Variants in GRM1 observed in about 807,000 individuals in gnomAD.
GRM1 encodes the protein metabotropic glutamate receptor 1.
Under a neutral mutation model 90.9 loss-of-function variants are expected in GRM1, and 33 were observed. That is an observed-to-expected ratio of 0.36 (90% CI 0.28 to 0.49). GRM1 has a LOEUF of 0.49. Ranked by LOEUF, GRM1 falls within the 20% of genes least tolerant of loss-of-function variation. GRM1 has a pLI of 0.99. For missense variants in GRM1, 1,190 were observed against 1,534.3 expected, an observed-to-expected ratio of 0.78 and a Z score of 3.75; for synonymous variants, 700 against 613.2, an observed-to-expected ratio of 1.14 and a Z score of -2.09.
intron 2 of GRM1, among the ~76,000 whole-genome samples, chr6:146,277,260 A>G (rs1267112048): frequency 6.6e-6 from 1 of 152,152 alleles, no homozygotes; most frequent in East Asian, 1.9e-4. Flanking sequence ...GGTTGCTCAA[A>G]CCCTGCAGAC....
At chr6:146,039,577 A>T (rs994690572) in intron 1 of GRM1, among the ~76,000 whole-genome samples, 1 of 152,012 alleles carries the variant, frequency 6.6e-6, no homozygotes, top group Non-Finnish European at 1.5e-5. Flanking sequence ...GCATCTGGAA[A>T]GCTTTGGAGA....
At chr6:146,335,585 T>A (rs1017900581) in intron 3 of GRM1, among the ~76,000 whole-genome samples, 4 of 152,174 alleles carry the variant, frequency 2.6e-5, no homozygotes, top group African/African-American at 9.6e-5. Flanking sequence ...ACCCACTTGA[T>A]TTCCATCAAT....
intron 1 of GRM1, among the ~76,000 whole-genome samples, chr6:146,051,021 C>A (rs1416235292): frequency 1.3e-5 from 2 of 151,908 alleles, no homozygotes; most frequent in African/African-American, 4.8e-5. Context: ...TTGGTTCCTC[C>A]ATTTGTAGTT....
intron 1 of GRM1, among the ~76,000 whole-genome samples, chr6:146,117,771 T>C (rs1453682506): frequency 6.6e-6 from 1 of 152,148 alleles, no homozygotes; most frequent in Admixed American, 6.5e-5. Flanking sequence ...CATTTGCACA[T>C]GTACAATAGA....
At chr6:146,428,044 C>T (rs1778277242) in intron 7 of GRM1, among the ~76,000 whole-genome samples, 1 of 152,022 alleles carries the variant, frequency 6.6e-6, no homozygotes, top group African/African-American at 2.4e-5. Flanking sequence ...TGGTGGGTGA[C>T]AAAAAATAAA....
intron 2 of GRM1, among the ~76,000 whole-genome samples, chr6:146,288,796 G>A (rs997493144): frequency 3.9e-5 from 6 of 152,224 alleles, no homozygotes; most frequent in African/African-American, 7.2e-5. Flanking sequence ...GTGAGCCATC[G>A]CGCGGGGCCA....
chr6:146,234,769 G>A (rs1201752735), intron 2 of GRM1, among the ~76,000 whole-genome samples: 1 of 151,956 alleles, frequency 6.6e-6, no homozygotes, highest in East Asian at 1.9e-4. Context: ...TTGAGACAGG[G>A]TCTCACTCTG....
intron 2 of GRM1, among the ~76,000 whole-genome samples, chr6:146,164,313 A>G (rs1777836233): frequency 6.6e-6 from 1 of 152,174 alleles, no homozygotes; most frequent in Admixed American, 6.5e-5. Flanking sequence ...CTACTGAACC[A>G]TATTATCATA....
intron 6 of GRM1, among the ~76,000 whole-genome samples, chr6:146,391,207 G>T (rs1487507729): frequency 6.6e-6 from 1 of 151,902 alleles, no homozygotes; most frequent in Non-Finnish European, 1.5e-5. Flanking sequence ...AGATGTACTG[G>T]ATCTTATAAG....
chr6:146,168,961 A>T (rs1171181578), intron 2 of GRM1, among the ~76,000 whole-genome samples: 2 of 152,060 alleles, frequency 1.3e-5, no homozygotes, highest in Non-Finnish European at 2.9e-5. Flanking sequence ...GGCTTATTGA[A>T]CGTTTTAGAT....
At chr6:146,160,249 CT>C (rs1777675318) in intron 2 of GRM1, among the ~76,000 whole-genome samples, 1 of 152,158 alleles carries the variant, frequency 6.6e-6, no homozygotes, top group South Asian at 2.1e-4. Flanking sequence ...AATATATCAT[CT>C]TGTCACATTT....
At chr6:146,164,105 A>G (rs1305721854) in intron 2 of GRM1, among the ~76,000 whole-genome samples, 1 of 152,186 alleles carries the variant, frequency 6.6e-6, no homozygotes, top group Non-Finnish European at 1.5e-5. Flanking sequence ...TGAAGAAAGT[A>G]AAACTGAGAA....
intron 2 of GRM1, among the ~76,000 whole-genome samples, chr6:146,239,807 T>G (rs1167052115): frequency 6.6e-6 from 1 of 152,080 alleles, no homozygotes; most frequent in Non-Finnish European, 1.5e-5. Flanking sequence ...TGAGTGACAG[T>G]TTGAAATGAG....
intron 3 of GRM1, among the ~76,000 whole-genome samples, chr6:146,319,923 G>T (rs1009988936): frequency 6.6e-6 from 1 of 152,144 alleles, no homozygotes; most frequent in Non-Finnish European, 1.5e-5. Context: ...GAGACAATTT[G>T]ACTTCCTCTT....
rs116895012 is a variant in GRM1 at position 146,381,228 on chromosome 6, G to A, written c.1603-5662G>A. The stretch of plus-strand genomic sequence containing the variant: ...AGTTCCAATCCTTATGATCTAGACT[G>A]CCTTTCAAGTTTACTTGGAGAAACA... On this transcript the variant is annotated intron_variant, in intron 5 of 7. Coordinates refer to ENST00000282753, the MANE Select transcript of GRM1 (RefSeq NM_001278064.2). 7.9e-3 allele frequency among the ~76,000 whole-genome samples: 1,210 copies of A among 152,294 alleles called. 9 individuals carry two copies. The highest frequency in any genetic ancestry group is 0.012 in the Non-Finnish European group (787 of 68,020).
intron 1 of GRM1, among the ~76,000 whole-genome samples, chr6:146,039,397 A>G: frequency 6.6e-6 from 1 of 152,030 alleles, no homozygotes; most frequent in Admixed American, 6.6e-5. Context: ...ACTCTAAAGT[A>G]TATGTCCTGG....
rs144403036 is a variant in GRM1 at position 146,304,752 on chromosome 6, G to A, written c.1092G>A (p.Arg364=). ...AACTGAGGCTGGACACTAACACGAG[G>A]AATCCCTGGTTCCCTGAGTTCTGGC... The part of the protein sequence containing the change: ...FLKLRLDTNT[R]NPWFPEFWQH... The change falls in exon 3 of 8, where the codon AGG becomes AGA. Residue 364 remains arginine, a synonymous_variant. Transcript: ENST00000282753. The A allele has an allele frequency of 1.4e-4, 226 of 1,613,892 alleles. No homozygotes were observed. The highest frequency in any genetic ancestry group is 1.7e-4 in the Non-Finnish European group (206 of 1,179,968).
Position 146,413,294 on chromosome 6 carries a change from T to C in GRM1, c.2660+13595T>C, listed in dbSNP as rs1263175678. Among the ~76,000 whole-genome samples the C allele has an allele frequency of 2.6e-5, 4 of 152,132 alleles. No homozygotes were observed. The East Asian group carries it at 7.7e-4, about 29-fold the overall frequency. ...AACCCTTACTGATTTTTCCTGGACATCCAAAATATATTTTTCTTTTTCTAT... is the reference window on the plus strand; with the variant it reads ...AACCCTTACTGATTTTTCCTGGACACCCAAAATATATTTTTCTTTTTCTAT... On this transcript the variant is annotated intron_variant, in intron 7 of 7. Transcript: ENST00000282753.
Position 146,029,795 on chromosome 6 carries a change from C to G in GRM1, c.278C>G (p.Pro93Arg), listed in dbSNP as rs777166317. The G allele has an allele frequency of 2.9e-5, 46 of 1,613,996 alleles. 1 individual carries two copies. In the South Asian group the frequency reaches 4.4e-4, roughly 15 times the overall value. Residue 93 changes from proline to arginine, a missense_variant, in exon 1 of 8, where the codon CCG becomes CGG. Around this residue, in one of 10 missense-constraint regions of GRM1, gnomAD observed 91 missense variants for 95.6 expected, o/e 0.95. Coordinates refer to ENST00000282753, the MANE Select transcript of GRM1 (RefSeq NM_001278064.2). ...FHTLDKINADPVLLPNITLGS... is the reference protein window; with the variant it reads ...FHTLDKINADRVLLPNITLGS... ...ACGTTGGATAAGATCAACGCGGACC[C>G]GGTCCTCCTGCCCAACATCACCCTG... is the stretch of plus-strand genomic sequence containing the variant.
Sources: allele counts gnomAD v4.1 joint callset (sites outside exome capture counted in the v4.1 genomes callset), GRCh38; gene constraint gnomAD v4.1.1; regional missense constraint gnomAD v4.1.1; transcripts MANE v1.5; gene names NCBI Gene and HGNC (gene_info 2026-07-23, HGNC 2026-07-21).